The following ZNF787 variants were observed in gnomAD, a reference collection of about 807,000 sequenced individuals.
ZNF787 encodes zinc finger protein 787.
ZNF787 carries 7 observed loss-of-function variants against 16.9 expected under a neutral mutation model. The observed-to-expected ratio is 0.42, with a 90% CI of 0.24 to 0.78. The LOEUF is 0.78. Ranked by LOEUF, ZNF787 falls within the 30% of genes least tolerant of loss-of-function variation. The pLI is 0.30. For synonymous variants in ZNF787, 345 were observed against 270.9 expected, an observed-to-expected ratio of 1.27 and a Z score of -2.69; for missense variants, 551 against 589.3, an observed-to-expected ratio of 0.94 and a Z score of 0.67.
chr19:56,108,308 C>T (rs1197139317), intron 1 of ZNF787, among the ~76,000 whole-genome samples: 1 of 144,628 alleles, frequency 6.9e-6, no homozygotes, highest in Non-Finnish European at 1.5e-5. Context: ...TCCCAGCTCC[C>T]ACCACCCAGC....
At chr19:56,098,676 C>A (rs112868821) in intron 2 of ZNF787, among the ~76,000 whole-genome samples, 2 of 7,458 alleles carry the variant, frequency 2.7e-4, no homozygotes, top group Admixed American at 1.1e-3. Context: ...ATATGGCCGC[C>A]GGGTGATGGA....
At chr19:56,090,497 T>C (rs1228304756) in intron 2 of ZNF787, among the ~76,000 whole-genome samples, 2 of 151,946 alleles carry the variant, frequency 1.3e-5, no homozygotes, top group African/African-American at 2.4e-5. Context: ...CTGCGACCAG[T>C]AGCATCGGCG....
chr19:56,099,197 C>T (rs1291546759), intron 2 of ZNF787, among the ~76,000 whole-genome samples: 1 of 152,208 alleles, frequency 6.6e-6, no homozygotes, highest in Admixed American at 6.5e-5. Context: ...CACACTGCCA[C>T]ATCCCCTGCA....
intron 2 of ZNF787, among the ~76,000 whole-genome samples, chr19:56,096,254 A>AAAAAAAG (rs1480267929): frequency 8.7e-6 from 1 of 114,444 alleles, no homozygotes; most frequent in African/African-American, 3.3e-5. Flanking sequence ...ATAAAAAAAT[A>AAAAAAAG]AAAAAAATAA....
intron 1 of ZNF787, 114 bp from the exon 2 acceptor site, chr19:56,103,341 G>T: frequency 1.1e-6 from 1 of 893,688 alleles, no homozygotes; most frequent in Non-Finnish European, 1.7e-6. Context: ...GCGCCCGGCA[G>T]ACAAGGCACA....
At chr19:56,091,953 C>CGAAACT (rs1345890125) in intron 2 of ZNF787, among the ~76,000 whole-genome samples, 6 of 152,006 alleles carry the variant, frequency 3.9e-5, no homozygotes, top group Admixed American at 3.9e-4. Context: ...AAGCCAAAGC[C>CGAAACT]GAAACCGAAA....
rs1000075019 is a variant in ZNF787 at position 56,087,734 on chromosome 19, C to T, written c.*289G>A. 6.5e-6 allele frequency: 2 copies of T among 309,612 alleles called. No homozygotes were observed. Among genetic ancestry groups the T allele is most frequent in the Non-Finnish European group, 1.1e-5 (2 of 179,766 alleles). The allele number at this position is 309,612 out of a possible 1,614,324, so 19.2% of individuals were successfully genotyped here. ...GGCCTTCCGCTTGGGGCCTGGTCGC[C>T]ACTCGGCCTCTGCAGTTCTCTCCAT... On this transcript the variant is annotated 3_prime_UTR_variant, in exon 3 of 3. Transcript: ENST00000610935.
At chr19:56,115,337 G>A (rs1460376974) in intron 1 of ZNF787, among the ~76,000 whole-genome samples, 2 of 150,932 alleles carry the variant, frequency 1.3e-5, no homozygotes, top group Non-Finnish European at 2.9e-5. Context: ...GCCGGCCGCG[G>A]CACGTTGATT....
intron 1 of ZNF787, among the ~76,000 whole-genome samples, chr19:56,108,387 A>G (rs571211444): frequency 0.025 from 2,107 of 83,142 alleles, 71 homozygotes; most frequent in African/African-American, 0.096. Flanking sequence ...CCTCCACCCA[A>G]CCCCTGCCCA....
chr19:56,096,010 A>T (rs911421426), intron 2 of ZNF787, among the ~76,000 whole-genome samples: 12 of 151,980 alleles, frequency 7.9e-5, no homozygotes, highest in African/African-American at 2.9e-4. Context: ...AGGGAACTTG[A>T]GTTTTGCTAC....
chr19:56,087,895 CG>C lies in ZNF787; in HGVS notation c.*127del, dbSNP rs556968997. The C allele has an allele frequency of 4.7e-4, 590 of 1,267,146 alleles. 2 individuals are homozygous for C. In the African/African-American group the frequency reaches 8.5e-3, roughly 18 times the overall value. The allele number at this position is 1,267,146 out of a possible 1,614,324, so 78.5% of individuals were successfully genotyped here. A position where few individuals can be genotyped will look rare whatever the true frequency, so the allele number is the denominator to read the frequency against. ...CGGACGGCGCAGGGACAGAGGAGGG[CG>C]GGGAGCCGGGGATGCCGCGGGGTCC... On this transcript the variant is annotated 3_prime_UTR_variant, in exon 3 of 3. Transcript: ENST00000610935.
At chr19:56,099,729 A>AAG (rs919322559) in intron 2 of ZNF787, among the ~76,000 whole-genome samples, 25 of 146,420 alleles carry the variant, frequency 1.7e-4, no homozygotes, top group African/African-American at 1.1e-4. Flanking sequence ...AAAAAAAGAA[A>AAG]AGAGAGAGAG....
Position 56,087,874 on chromosome 19 carries a change from CGGCGCAGGGACAGAGGAG to C in ZNF787, c.*131_*148del. On this transcript the variant is annotated 3_prime_UTR_variant, in exon 3 of 3. Coordinates refer to ENST00000610935, the MANE Select transcript of ZNF787 (RefSeq NM_001002836.4). ...ATACGCCCCAGTGCCCCCCCACGGA[CGGCGCAGGGACAGAGGAG>C]GGCGGGGAGCCGGGGATGCCGCGGG... The C allele has an allele frequency of 8.3e-7, 1 of 1,206,906 alleles. No homozygotes were observed. Among genetic ancestry groups the C allele is most frequent in the Non-Finnish European group, 1.0e-6 (1 of 957,578 alleles). 74.8% of individuals were successfully genotyped at this position (1,206,906 alleles called of 1,614,324 possible). A position where few individuals can be genotyped will look rare whatever the true frequency, so the allele number is the denominator to read the frequency against.
chr19:56,098,122 G>T (rs1451868341), intron 2 of ZNF787, among the ~76,000 whole-genome samples: 5 of 152,082 alleles, frequency 3.3e-5, no homozygotes, highest in Non-Finnish European at 5.9e-5. Flanking sequence ...GAAGGAACAT[G>T]TGCCAGGGGT....
intron 2 of ZNF787, among the ~76,000 whole-genome samples, chr19:56,099,911 C>G (rs1415514068): frequency 6.6e-6 from 1 of 152,040 alleles, no homozygotes; most frequent in African/African-American, 2.4e-5. Context: ...GCCAGGACAC[C>G]TTCACAGGGT....
intron 2 of ZNF787, among the ~76,000 whole-genome samples, chr19:56,096,754 AAG>A (rs1243302879): frequency 6.6e-6 from 1 of 152,102 alleles, no homozygotes; most frequent in Non-Finnish European, 1.5e-5. Flanking sequence ...AAATAAAATA[AAG>A]AGAGATGAGG....
chr19:56,087,880 AGGGACAGAGGAGGGCG>A lies in ZNF787; in HGVS notation c.*127_*142del. The A allele has an allele frequency of 8.1e-7, 1 of 1,235,510 alleles. No individual in the cohort carries two copies. The highest frequency in any genetic ancestry group is 3.6e-5 in the East Asian group (1 of 27,742). 76.5% of individuals were successfully genotyped at this position (1,235,510 alleles called of 1,614,324 possible). ...CCCAGTGCCCCCCCACGGACGGCGCAGGGACAGAGGAGGGCGGGGAGCCGGGGATGCCGCGGGGTCC... is the reference window on the plus strand; with the variant it reads ...CCCAGTGCCCCCCCACGGACGGCGCAGGGAGCCGGGGATGCCGCGGGGTCC... On this transcript the variant is annotated 3_prime_UTR_variant, in exon 3 of 3. Coordinates refer to ENST00000610935, the MANE Select transcript of ZNF787 (RefSeq NM_001002836.4).
Position 56,087,703 on chromosome 19 carries a change from G to GA in ZNF787, c.*319dup, listed in dbSNP as rs1985330718. On this transcript the variant is annotated 3_prime_UTR_variant, in exon 3 of 3. Coordinates refer to ENST00000610935, the MANE Select transcript of ZNF787 (RefSeq NM_001002836.4). Reference sequence around the variant, plus strand: ...CCCCGGACAACTGAGGAAGAGCAGGGAAAATGGCCTTCCGCTTGGGGCCTG... The same window carrying GA: ...CCCCGGACAACTGAGGAAGAGCAGGGAAAAATGGCCTTCCGCTTGGGGCCTG... 4.7e-6 allele frequency: 1 copy of GA among 214,122 alleles called. No homozygotes were observed. Among genetic ancestry groups the GA allele is most frequent in the Non-Finnish European group, 9.0e-6 (1 of 110,834 alleles). 13.3% of individuals were successfully genotyped at this position (214,122 alleles called of 1,614,324 possible). A position where few individuals can be genotyped will look rare whatever the true frequency, so the allele number is the denominator to read the frequency against.
Position 56,087,482 on chromosome 19 carries a change from G to C in ZNF787, c.*541C>G, listed in dbSNP as rs762553896. On this transcript the variant is annotated 3_prime_UTR_variant, in exon 3 of 3. Transcript: ENST00000610935. ...GCCTCTGCTACCCGGAATCCAGGAG[G>C]GGAAGGAACGACTCGAGCTCTAAGG... The C allele has an allele frequency of 6.6e-6, 1 of 152,290 alleles. No individual in the cohort carries two copies. The highest frequency in any genetic ancestry group is 1.5e-5 in the Non-Finnish European group (1 of 68,092). The allele number at this position is 152,290 out of a possible 1,614,324, so 9.4% of individuals were successfully genotyped here. A position where few individuals can be genotyped will look rare whatever the true frequency, so the allele number is the denominator to read the frequency against.
Sources: allele counts gnomAD v4.1 joint callset (sites outside exome capture counted in the v4.1 genomes callset), GRCh38; gene constraint gnomAD v4.1.1; transcripts MANE v1.5; gene names NCBI Gene and HGNC (gene_info 2026-07-23, HGNC 2026-07-21).